ABCB11: variants seen among roughly 807,000 people sequenced by gnomAD.
The protein encoded by ABCB11 is ATP binding cassette subfamily B member 11.
Under a neutral mutation model 148.0 loss-of-function variants are expected in ABCB11, and 95 were observed. That is an observed-to-expected ratio of 0.64 (90% CI 0.54 to 0.76). The LOEUF (loss-of-function observed/expected upper bound fraction) is 0.76, where lower values mean the gene tolerates loss of function less well. Among genes scored for constraint, ABCB11 ranks in the 30% least tolerant of loss-of-function variants. The probability of loss-of-function intolerance (pLI) is 0.00; values close to 1 mark genes in which losing one functional copy is unlikely to be tolerated. For synonymous variants in ABCB11, 591 were observed against 555.4 expected, an observed-to-expected ratio of 1.06 and a Z score of -0.90; for missense variants, 1,523 against 1,617.8, an observed-to-expected ratio of 0.94 and a Z score of 1.01.
intron 24 of ABCB11, 33 bp from the exon 25 acceptor site, chr2:168,930,895 C>T: frequency 6.5e-7 from 1 of 1,528,698 alleles, no homozygotes; most frequent in Non-Finnish European, 8.9e-7. Flanking sequence ...TAGAGATGCT[C>T]TTACTGAAGC....
At chr2:168,944,404 A>G (rs1239617678) in intron 21 of ABCB11, among the ~76,000 whole-genome samples, 1 of 152,014 alleles carries the variant, frequency 6.6e-6, no homozygotes, top group East Asian at 1.9e-4. Context: ...CATGCCATAT[A>G]TTGATTCTGG....
intron 1 of ABCB11, among the ~76,000 whole-genome samples, chr2:169,027,776 G>C (rs1221750193): frequency 6.6e-6 from 1 of 152,150 alleles, no homozygotes; most frequent in Admixed American, 6.5e-5. Context: ...CCCACTACTT[G>C]CCACTACAGC....
At chr2:169,025,574 A>G (rs4148770) in intron 1 of ABCB11, among the ~76,000 whole-genome samples, 10,150 of 152,240 alleles carry the variant, frequency 0.067, 643 homozygotes, top group East Asian at 0.21. Context: ...AGGAATACTA[A>G]TCCACTAACC....
chr2:168,938,005 TTTTTAA>T, intron 21 of ABCB11, among the ~76,000 whole-genome samples: 1 of 152,190 alleles, frequency 6.6e-6, no homozygotes, highest in Admixed American at 6.5e-5. Context: ...ACATCACTTC[TTTTTAA>T]AATTGTAGAA....
downstream of ABCB11, among the ~76,000 whole-genome samples, chr2:168,916,514 T>G (rs550809363): frequency 6.6e-6 from 1 of 152,228 alleles, no homozygotes; most frequent in Non-Finnish European, 1.5e-5. Flanking sequence ...AATGAGCACA[T>G]TATAATGCTG....
chr2:168,995,473 A>G lies in ABCB11; in HGVS notation c.487T>C (p.Trp163Arg). 1 of 1,610,286 alleles carries G rather than the reference A, an allele frequency of 6.2e-7. No homozygotes were observed. Among genetic ancestry groups the G allele is most frequent in the South Asian group, 1.1e-5 (1 of 90,344 alleles). Residue 163 changes from tryptophan to arginine, a missense_variant, in exon 7 of 28, where the codon TGG (tryptophan) becomes CGG (arginine). Transcript: ENST00000650372. ...ATCTGACGAGCTGCGGCAATGACCC[A>G]AAAGCATATCTGGAAATGGACAAAG... The part of the protein sequence containing the change: ...LITGYIQICF[W>R]VIAAARQIQK...
At chr2:168,978,895 T>C (rs1490529711) in intron 11 of ABCB11, among the ~76,000 whole-genome samples, 1 of 151,934 alleles carries the variant, frequency 6.6e-6, no homozygotes, top group Admixed American at 6.6e-5. Flanking sequence ...AATTTTTGTG[T>C]TCTTAGTAGA....
At chr2:168,933,207 G>A (rs1344577715) in intron 23 of ABCB11, among the ~76,000 whole-genome samples, 1 of 151,970 alleles carries the variant, frequency 6.6e-6, no homozygotes, top group Non-Finnish European at 1.5e-5. Flanking sequence ...TCACCAGATT[G>A]AGTTGATTTT....
At chr2:168,962,492 C>T (rs1408508260) in intron 18 of ABCB11, among the ~76,000 whole-genome samples, 3 of 151,664 alleles carry the variant, frequency 2.0e-5, no homozygotes, top group African/African-American at 7.3e-5. Context: ...TGGTCCCCTA[C>T]ACCTACGCTA....
In ABCB11 at chr2:168,971,964, C is replaced by T; in HGVS notation, c.1521G>A (p.Leu507=). The change falls in exon 14 of 28, where the codon CTG becomes CTA. Residue 507 remains leucine (L), a synonymous_variant. Transcript: ENST00000650372. ...QIGIVEQEPV[L]FSTTIAENIR... is the part of the protein sequence containing the mutation. The stretch of plus-strand genomic sequence containing the variant: ...TATTTTCTGCAATGGTGGTAGAGAA[C>T]AGAACTGGCTCTTGCTCCACTATCC... The T allele has an allele frequency of 4.3e-6, 7 of 1,613,054 alleles. No homozygotes were observed. The highest frequency in any genetic ancestry group is 5.9e-6 in the Non-Finnish European group (7 of 1,179,402).
chr2:168,994,489 G>A (rs1010379011), intron 7 of ABCB11, among the ~76,000 whole-genome samples: 1 of 151,938 alleles, frequency 6.6e-6, no homozygotes, highest in African/African-American at 2.4e-5. Flanking sequence ...CAATTTTCTT[G>A]TCTGTAAAAT....
rs749057599 is a variant in ABCB11, at chr2:168,923,578, C to T, written c.*44G>A. ...ATTGTTTTTTTCTTTAAAAACAACC[C>T]CTGTAACTGGTGCGTCATGTGTGTC... is the stretch of plus-strand genomic sequence containing the variant. On this transcript the variant is annotated 3_prime_UTR_variant, in exon 28 of 28. Transcript: ENST00000650372. 6.3e-7 allele frequency: 1 copy of T among 1,586,266 alleles called. No homozygotes were observed. Among genetic ancestry groups the T allele is most frequent in the Non-Finnish European group, 8.7e-7 (1 of 1,155,112 alleles).
intron 6 of ABCB11, 114 bp downstream of exon 6, chr2:168,996,521 G>A (rs1694719072): frequency 4.0e-6 from 2 of 501,782 alleles, no homozygotes. Context: ...TCTGGAAACA[G>A]ACTGTAGTTC....
chr2:169,013,559 A>T, intron 4 of ABCB11, 49 bp from the exon 5 acceptor site: 1 of 1,472,024 alleles, frequency 6.8e-7, no homozygotes, highest in Admixed American at 1.8e-5. Context: ...AGAGCAGGAG[A>T]GGTAGGAGGA....
intron 25 of ABCB11, among the ~76,000 whole-genome samples, chr2:168,929,121 T>G (rs1372389667): frequency 1.3e-5 from 2 of 152,160 alleles, no homozygotes; most frequent in Non-Finnish European, 2.9e-5. Context: ...ATTAAACAAT[T>G]AATCAAGTAT....
intron 11 of ABCB11, among the ~76,000 whole-genome samples, chr2:168,977,340 C>G (rs548778371): frequency 5.3e-4 from 81 of 152,182 alleles, no homozygotes; most frequent in Non-Finnish European, 9.3e-4. Flanking sequence ...ACTAGTCAAC[C>G]AATCGGGGGT....
chr2:168,956,190 C>G (rs1692783455), intron 19 of ABCB11, among the ~76,000 whole-genome samples: 1 of 150,960 alleles, frequency 6.6e-6, no homozygotes, highest in Non-Finnish European at 1.5e-5. Flanking sequence ...ACAACCAGAT[C>G]TCGTGAGAAC....
In ABCB11 at chr2:168,922,351, C is replaced by T. The variant is rs910170775; in HGVS notation, c.*1271G>A. On this transcript the variant is annotated 3_prime_UTR_variant, in exon 28 of 28. Coordinates refer to ENST00000650372, the MANE Select transcript of ABCB11 (RefSeq NM_003742.4). ...TGAGCCTCCTCAGAGAGGGAGTATG[C>T]AGTTTCTCGCTGGAACTGGGGAAAG... Among the ~76,000 whole-genome samples, 6 of 152,286 alleles carry T rather than the reference C, an allele frequency of 3.9e-5. No individual in the cohort carries two copies. The highest frequency in any genetic ancestry group is 1.2e-4 in the African/African-American group (5 of 41,548).
chr2:169,029,724 CTTTTTTTTTT>C lies in ABCB11; in HGVS notation c.-28+1491_-28+1500del, dbSNP rs1166356679. ...GTCTCTAAATGTACAGTTCTTTCCT[CTTTTTTTTTT>C]TTTTTTTTTTTTTTTTTTGAGAGGA... On this transcript the variant is annotated intron_variant, in intron 1 of 27. Coordinates refer to ENST00000650372, the MANE Select transcript of ABCB11 (RefSeq NM_003742.4). Among the ~76,000 whole-genome samples, 624 of 88,308 alleles carry C rather than the reference CTTTTTTTTTT, an allele frequency of 7.1e-3. 29 individuals carry two copies. The highest frequency in any genetic ancestry group is 0.028 in the African/African-American group (496 of 17,442). 57.9% of individuals were successfully genotyped at this position (88,308 alleles called of 152,430 possible).
Sources: gnomAD v4.1 joint callset for allele counts (sites outside exome capture counted in the v4.1 genomes callset) on GRCh38, gnomAD v4.1.1 for gene constraint, MANE v1.5 for transcripts, NCBI Gene and HGNC (gene_info 2026-07-23, HGNC 2026-07-21) for gene names.